Variants in PRH1 observed in about 807,000 individuals in gnomAD.
PRH1 encodes the protein proline rich protein HaeIII subfamily 1, also known as salivary acidic proline-rich phosphoprotein 1/2.
PRH1 carries 7 observed loss-of-function variants against 7.9 expected under a neutral mutation model. The observed-to-expected ratio is 0.89, with a 90% confidence interval of 0.50 to 1.67. The LOEUF is 1.67. Among genes scored for constraint, PRH1 ranks in the 40% most tolerant of loss-of-function variants. The probability of loss-of-function intolerance (pLI) is 0.00; values close to 1 mark genes in which losing one functional copy is unlikely to be tolerated. For synonymous variants in PRH1, 45 were observed against 80.8 expected (o/e 0.56, Z 2.38); for missense variants, 109 against 223.6 (o/e 0.49, Z 3.27).
intron 1 of PRH1, among the ~76,000 whole-genome samples, chr12:11,025,067 G>C (rs1421844767): frequency 1.4e-5 from 2 of 145,150 alleles, no homozygotes; most frequent in Non-Finnish European, 3.0e-5. Flanking sequence ...CACCCAGGCT[G>C]GAGTGCAGTG....
intron 1 of PRH1, among the ~76,000 whole-genome samples, chr12:11,164,896 A>C (rs1947525713): frequency 1.3e-5 from 2 of 152,048 alleles, no homozygotes; most frequent in South Asian, 2.1e-4. Context: ...CATCACCCCC[A>C]AAAACATCCT....
rs370039547 is a variant in PRH1, at chr12:10,979,089, AG to A, written c.-125-5369del. ...CACAAAGAAGGGAGCTACAGACACC[AG>A]GGCCCACTTGAAGACGGAGGGCAGG... On this transcript the variant is annotated intron_variant, in intron 1 of 3. Transcript: ENST00000539853. Among the ~76,000 whole-genome samples, 668 of 152,262 alleles carry A rather than the reference AG, an allele frequency of 4.4e-3. 5 individuals carry two copies. Among genetic ancestry groups the A allele is most frequent in the African/African-American group, 0.015 (638 of 41,552 alleles).
chr12:10,954,425 G>A (rs551542221), intron 2 of PRH1, among the ~76,000 whole-genome samples: 1 of 152,228 alleles, frequency 6.6e-6, no homozygotes, highest in South Asian at 2.1e-4. Flanking sequence ...AATCTACCAA[G>A]CAAATGGAAA....
At chr12:11,063,043 T>G (rs1364499922) in intron 1 of PRH1, among the ~76,000 whole-genome samples, 7 of 152,100 alleles carry the variant, frequency 4.6e-5, no homozygotes, top group Admixed American at 4.6e-4. Context: ...TAGGTGAAGT[T>G]AGTCCTATTT....
chr12:10,983,125 T>C (rs1040231735), intron 1 of PRH1, among the ~76,000 whole-genome samples: 17 of 152,178 alleles, frequency 1.1e-4, no homozygotes, highest in African/African-American at 3.6e-4. Flanking sequence ...GTGGGCATTA[T>C]AGGACTCTGT....
intron 1 of PRH1, among the ~76,000 whole-genome samples, chr12:11,112,181 A>T (rs890759322): frequency 2.6e-5 from 4 of 152,214 alleles, no homozygotes; most frequent in African/African-American, 9.6e-5. Flanking sequence ...AACCAAAAAA[A>T]GTCCAGGAAC....
chr12:10,974,262 T>G (rs529497416), intron 1 of PRH1, among the ~76,000 whole-genome samples: 1 of 152,332 alleles, frequency 6.6e-6, no homozygotes, highest in South Asian at 2.1e-4. Context: ...TGGATCCACC[T>G]GCACCCCACC....
chr12:10,992,848 A>G (rs1223701597), intron 1 of PRH1, among the ~76,000 whole-genome samples: 1 of 152,226 alleles, frequency 6.6e-6, no homozygotes, highest in Non-Finnish European at 1.5e-5. Context: ...CAGCTAGCAG[A>G]ACTCTCACAT....
intron 1 of PRH1, among the ~76,000 whole-genome samples, chr12:11,153,238 T>C (rs1334842119): frequency 6.6e-6 from 1 of 152,162 alleles, no homozygotes; most frequent in Non-Finnish European, 1.5e-5. Context: ...ATTATGAACT[T>C]AAGGCTTTGA....
At chr12:11,145,050 T>C (rs1173742958) in intron 1 of PRH1, among the ~76,000 whole-genome samples, 1 of 152,226 alleles carries the variant, frequency 6.6e-6, no homozygotes, top group East Asian at 1.9e-4. Context: ...AAATTCACAA[T>C]ACAAGCATCC....
chr12:10,911,958 T>C (rs867080521), intron 2 of PRH1, among the ~76,000 whole-genome samples: 16 of 152,216 alleles, frequency 1.1e-4, no homozygotes, highest in African/African-American at 3.9e-4. Flanking sequence ...TAACTTTGTA[T>C]ATTTTAATTT....
At chr12:11,113,492 T>C (rs1440895405) in intron 1 of PRH1, among the ~76,000 whole-genome samples, 1 of 152,200 alleles carries the variant, frequency 6.6e-6, no homozygotes, top group Non-Finnish European at 1.5e-5. Flanking sequence ...TAAATGGTGT[T>C]GGGCAAACTG....
chr12:11,046,948 T>C (rs777482786), intron 1 of PRH1: 2 of 453,960 alleles, frequency 4.4e-6, no homozygotes, highest in Non-Finnish European at 9.5e-6. Flanking sequence ...CAGGATGAAA[T>C]TGGAAAAGGG....
intron 1 of PRH1, among the ~76,000 whole-genome samples, chr12:11,081,339 T>C (rs1944495274): frequency 1.7e-5 from 2 of 117,266 alleles, no homozygotes; most frequent in South Asian, 4.6e-4. Context: ...AATCTTTTAT[T>C]CTCCTTCCAT....
At chr12:11,138,315 A>G (rs1291680692) in intron 1 of PRH1, among the ~76,000 whole-genome samples, 1 of 152,226 alleles carries the variant, frequency 6.6e-6, no homozygotes, top group Non-Finnish European at 1.5e-5. Flanking sequence ...CAGTCAAAGT[A>G]GCATTATATA....
intron 2 of PRH1, chr12:10,894,927 A>C (rs1190440000): frequency 6.6e-6 from 1 of 152,068 alleles, no homozygotes; most frequent in Non-Finnish European, 1.5e-5. Flanking sequence ...GAATATCATC[A>C]CTCATATCAG....
chr12:11,036,311 G>A (rs1238349394), intron 1 of PRH1, among the ~76,000 whole-genome samples: 1 of 152,216 alleles, frequency 6.6e-6, no homozygotes, highest in Non-Finnish European at 1.5e-5. Flanking sequence ...GACATAAGTA[G>A]ACTTTAAGTC....
intron 1 of PRH1, among the ~76,000 whole-genome samples, chr12:11,055,893 C>T (rs1010700459): frequency 6.6e-6 from 1 of 152,308 alleles, no homozygotes; most frequent in Admixed American, 6.5e-5. Context: ...ACTTTTCCTA[C>T]CAAAAGCATC....
chr12:11,072,152 TC>T (rs1300356433), intron 1 of PRH1, among the ~76,000 whole-genome samples: 4 of 152,148 alleles, frequency 2.6e-5, no homozygotes, highest in African/African-American at 7.2e-5. Flanking sequence ...TGTTGTTTTT[TC>T]TTTTTTTAGT....
Sources: gnomAD v4.1 joint callset for allele counts (sites outside exome capture counted in the v4.1 genomes callset) on GRCh38, gnomAD v4.1.1 for gene constraint, MANE v1.5 for transcripts, NCBI Gene and HGNC (gene_info 2026-07-23, HGNC 2026-07-21) for gene names.